Variants in TG observed in about 807,000 individuals in gnomAD.
The protein encoded by TG is thyroid hormones.
TG carries 270 observed loss-of-function variants against 324.7 expected under a neutral mutation model. The observed-to-expected ratio is 0.83, with a 90% CI of 0.75 to 0.92. The LOEUF is 0.92. Among genes scored for constraint, TG ranks in the 40% least tolerant of loss-of-function variants. TG has a pLI of 0.00. For synonymous variants in TG, 1,401 were observed against 1,327.0 expected, an observed-to-expected ratio of 1.06 and a Z score of -1.21; for missense variants, 3,591 against 3,456.4, an observed-to-expected ratio of 1.04 and a Z score of -0.98.
At chr8:132,971,915 C>T in intron 33 of TG, 42 bp downstream of exon 33, 1 of 1,330,304 alleles carries the variant, frequency 7.5e-7, no homozygotes, top group Non-Finnish European at 1.1e-6. Context: ...GCACAGTACT[C>T]TGCAGTTTAG....
intron 42 of TG, among the ~76,000 whole-genome samples, chr8:133,095,451 C>G (rs1036808168): frequency 6.6e-6 from 1 of 152,134 alleles, no homozygotes; most frequent in Admixed American, 6.5e-5. Context: ...TTATTTATAA[C>G]ATGGGAATAG....
intron 41 of TG, among the ~76,000 whole-genome samples, chr8:133,066,158 C>T (rs1398911161): frequency 2.0e-5 from 3 of 152,000 alleles, no homozygotes; most frequent in Admixed American, 6.6e-5. Flanking sequence ...CCCGTCTCTA[C>T]TAAGAATACA....
chr8:133,105,794 C>T (rs1254683429), intron 43 of TG, among the ~76,000 whole-genome samples: 1 of 152,106 alleles, frequency 6.6e-6, no homozygotes, highest in Admixed American at 6.5e-5. Flanking sequence ...TAGTCAGAGA[C>T]AGCAGAACGA....
chr8:133,066,181 C>A (rs1843006340), intron 41 of TG, among the ~76,000 whole-genome samples: 1 of 151,980 alleles, frequency 6.6e-6, no homozygotes, highest in Non-Finnish European at 1.5e-5. Context: ...AATAAATTAG[C>A]CGGGCGTGGT....
At chr8:132,909,537 G>T (rs551424802) in intron 18 of TG, among the ~76,000 whole-genome samples, 1 of 152,212 alleles carries the variant, frequency 6.6e-6, no homozygotes, top group Non-Finnish European at 1.5e-5. Context: ...CAAGGTGTCA[G>T]GGTATGACCA....
chr8:133,079,230 C>T (rs992549291), intron 41 of TG, among the ~76,000 whole-genome samples: 1 of 152,134 alleles, frequency 6.6e-6, no homozygotes, highest in African/African-American at 2.4e-5. Context: ...AAAAAGACAC[C>T]CAGTACCATC....
Position 132,948,961 on chromosome 8 carries a change from G to T in TG, c.5401+18G>T. The T allele has an allele frequency of 6.2e-7, 1 of 1,610,394 alleles. No individual in the cohort carries two copies. The highest frequency in any genetic ancestry group is 8.5e-7 in the Non-Finnish European group (1 of 1,179,454). On this transcript the variant is annotated intron_variant, in intron 27 of 47. Transcript: ENST00000220616. Reference sequence around the variant, plus strand: ...CATCAAGAGTAAGTCTTTGCCATTTGTCCATATTCTTTCAAAATTACTCTT... The same window carrying T: ...CATCAAGAGTAAGTCTTTGCCATTTTTCCATATTCTTTCAAAATTACTCTT...
intron 5 of TG, 138 bp downstream of exon 5, chr8:132,873,359 T>G (rs1057443548): frequency 1.1e-4 from 138 of 1,228,712 alleles, no homozygotes; most frequent in Admixed American, 1.3e-4. Flanking sequence ...TGAGCTGTCC[T>G]GGGCATCTAA....
chr8:132,988,983 C>T (rs1831965927), intron 35 of TG: 2 of 804,024 alleles, frequency 2.5e-6, no homozygotes, highest in African/African-American at 1.9e-5. Flanking sequence ...ATTGGACTCA[C>T]AGCTCCATGT....
rs1304703562 is a variant in TG, at chr8:132,941,241, T to G, written c.5042-110T>G. On this transcript the variant is annotated intron_variant, in intron 25 of 47. Transcript: ENST00000220616. ...ATCTCATCTTGGCCCACACGCTGCCTGGAGCACTGTTGCAGCTAAGTCAAC... is the reference window on the plus strand; with the variant it reads ...ATCTCATCTTGGCCCACACGCTGCCGGGAGCACTGTTGCAGCTAAGTCAAC... 2.3e-6 allele frequency: 3 copies of G among 1,321,560 alleles called. No individual in the cohort carries two copies. In the African/African-American group the frequency reaches 4.3e-5, roughly 19 times the overall value. 81.9% of individuals were successfully genotyped at this position (1,321,560 alleles called of 1,614,324 possible).
intron 41 of TG, among the ~76,000 whole-genome samples, chr8:133,088,532 A>G (rs1846979424): frequency 6.6e-6 from 1 of 152,172 alleles, no homozygotes; most frequent in African/African-American, 2.4e-5. Flanking sequence ...CTAATATTAC[A>G]CTTAGAGGGT....
At chr8:132,958,810 G>A (rs554619211) in intron 27 of TG, among the ~76,000 whole-genome samples, 13 of 152,298 alleles carry the variant, frequency 8.5e-5, no homozygotes, top group Admixed American at 7.2e-4. Context: ...GATATCATGA[G>A]GAGAGAGTGA....
intron 1 of TG, 92 bp from the exon 2 acceptor site, chr8:132,868,023 C>A: frequency 1.7e-6 from 2 of 1,152,896 alleles, no homozygotes; most frequent in Admixed American, 1.7e-5. Flanking sequence ...ATGATGATGA[C>A]CCTGGAAAAG....
At chr8:132,898,036 G>T (rs1231000189) in intron 12 of TG, 133 bp from the exon 13 acceptor site, 3 of 964,426 alleles carry the variant, frequency 3.1e-6, no homozygotes, top group Non-Finnish European at 4.9e-6. Context: ...ATGTCCGGCT[G>T]GGGGTCTAGA....
chr8:133,014,552 C>G (rs1834848147), intron 37 of TG, among the ~76,000 whole-genome samples: 1 of 152,236 alleles, frequency 6.6e-6, no homozygotes, highest in South Asian at 2.1e-4. Flanking sequence ...CCATTCTTTT[C>G]TGTTAACACT....
chr8:133,010,067 G>A (rs947705142), intron 35 of TG, among the ~76,000 whole-genome samples: 2 of 152,198 alleles, frequency 1.3e-5, no homozygotes, highest in African/African-American at 4.8e-5. Context: ...CAAAGGCAAA[G>A]ACCCTTTCAT....
At position 132,887,968 on chromosome 8, in the gene TG, C is replaced by T. The variant is rs1815667290; in HGVS notation, c.2177-16C>T. 6.2e-7 allele frequency: 1 copy of T among 1,606,910 alleles called. No individual in the cohort carries two copies. The highest frequency in any genetic ancestry group is 1.7e-5 in the Admixed American group (1 of 59,328). On this transcript the variant is annotated splice_polypyrimidine_tract_variant and intron_variant, in intron 9 of 47. Coordinates refer to ENST00000220616, the MANE Select transcript of TG (RefSeq NM_003235.5). ...AATTTCTTAAACTGAAACACCTGCT[C>T]ATTGTTCCTCCCCAGGCCCCACGCC...
At chr8:132,926,464 G>C (rs1002045901) in intron 22 of TG, among the ~76,000 whole-genome samples, 3 of 152,154 alleles carry the variant, frequency 2.0e-5, no homozygotes, top group African/African-American at 7.2e-5. Flanking sequence ...TCCCCTCTGG[G>C]CTCTAACCTC....
In TG at chr8:132,888,274, AG is replaced by A. The variant is rs1815714740; in HGVS notation, c.2468del (p.Ser823IlefsTer25). ...ASGNFSLFIQ[S>X]LYEAGQQDVF... is the part of the protein sequence containing the mutation. ...CGGAAACTTCAGTCTCTTTATTCAA[AG>A]TCTGTATGAGGCTGGCCAGCAAGAT... On this transcript the variant is annotated frameshift_variant, in exon 10 of 48. Transcript: ENST00000220616. LOFTEE classifies it high-confidence loss of function. The A allele has an allele frequency of 5.0e-6, 8 of 1,614,158 alleles. No individual in the cohort carries two copies. Among genetic ancestry groups the A allele is most frequent in the Non-Finnish European group, 6.8e-6 (8 of 1,180,028 alleles).
Sources: allele counts gnomAD v4.1 joint callset (sites outside exome capture counted in the v4.1 genomes callset), GRCh38; gene constraint gnomAD v4.1.1; transcripts MANE v1.5; gene names NCBI Gene and HGNC (gene_info 2026-07-23, HGNC 2026-07-21).